RANBP17: variants seen among roughly 807,000 people sequenced by gnomAD.
RANBP17 encodes the protein ran-binding protein 17.
In RANBP17, 158 loss-of-function variants were observed where a neutral mutation model predicts 141.2. That is an observed-to-expected ratio of 1.12 (90% CI 0.98 to 1.28). RANBP17 has a LOEUF of 1.28. Among genes scored for constraint, RANBP17 ranks in the 50% most tolerant of loss-of-function variants. The pLI is 0.00. For missense variants in RANBP17, 1,438 were observed against 1,290.7 expected, an observed-to-expected ratio of 1.11 and a Z score of -1.75; for synonymous variants, 430 against 450.0, an observed-to-expected ratio of 0.96 and a Z score of 0.56.
intron 14 of RANBP17, among the ~76,000 whole-genome samples, chr5:171,162,873 A>G (rs765257162): frequency 6.4e-4 from 98 of 152,294 alleles, no homozygotes; most frequent in Middle Eastern, 3.4e-3. Context: ...ATGTGAGGCC[A>G]AAGTGGTCAC....
intron 14 of RANBP17, among the ~76,000 whole-genome samples, chr5:171,065,791 G>A (rs1396612097): frequency 1.1e-4 from 16 of 152,070 alleles, no homozygotes; most frequent in Admixed American, 1.0e-3. Context: ...CCTTGGAGTA[G>A]TTCTACCCTG....
chr5:171,077,456 C>T (rs188703051), intron 14 of RANBP17, among the ~76,000 whole-genome samples: 1 of 152,100 alleles, frequency 6.6e-6, no homozygotes, highest in Admixed American at 6.5e-5. Context: ...GCCAAAGGAA[C>T]GTGTTTAAAT....
chr5:171,078,741 C>T (rs774237713), intron 14 of RANBP17, among the ~76,000 whole-genome samples: 2 of 152,102 alleles, frequency 1.3e-5, no homozygotes, highest in African/African-American at 2.4e-5. Flanking sequence ...CAGCATTGAA[C>T]GTTTTAAGCC....
intron 12 of RANBP17, among the ~76,000 whole-genome samples, chr5:170,929,263 AG>A (rs1773155836): frequency 6.6e-6 from 1 of 151,950 alleles, no homozygotes; most frequent in South Asian, 2.1e-4. Flanking sequence ...CTTCCAGTAC[AG>A]TGTTGAATAA....
chr5:171,122,630 A>G (rs974147696), intron 14 of RANBP17, among the ~76,000 whole-genome samples: 7 of 152,202 alleles, frequency 4.6e-5, no homozygotes, highest in Admixed American at 2.6e-4. Flanking sequence ...GATCCCTAAC[A>G]GTCCATGTTC....
chr5:171,034,384 G>A (rs773664175), intron 14 of RANBP17, among the ~76,000 whole-genome samples: 4 of 152,112 alleles, frequency 2.6e-5, no homozygotes, highest in East Asian at 1.9e-4. Context: ...AACACATACT[G>A]TAGTTGTAGT....
At chr5:171,258,151 A>G (rs1766042186) in intron 24 of RANBP17, among the ~76,000 whole-genome samples, 1 of 150,744 alleles carries the variant, frequency 6.6e-6, no homozygotes, top group African/African-American at 2.5e-5. Context: ...ACACACACAC[A>G]CACACACACC....
chr5:170,862,384 G>A (rs1297529834), intron 1 of RANBP17, among the ~76,000 whole-genome samples: 1 of 152,184 alleles, frequency 6.6e-6, no homozygotes. Context: ...GTGTTGCCAG[G>A]GCAGGTGGGA....
intron 3 of RANBP17, among the ~76,000 whole-genome samples, chr5:170,888,708 C>A (rs1581059494): frequency 6.6e-6 from 1 of 152,010 alleles, no homozygotes; most frequent in East Asian, 1.9e-4. Context: ...TTTCTTATTG[C>A]ATTTTCTAGG....
At chr5:171,173,303 A>G (rs1163637820) in intron 16 of RANBP17, among the ~76,000 whole-genome samples, 2 of 152,028 alleles carry the variant, frequency 1.3e-5, no homozygotes, top group Non-Finnish European at 2.9e-5. Context: ...TTATTTCTAT[A>G]TTAGGAATAA....
At chr5:171,016,205 A>G (rs1409543620) in intron 14 of RANBP17, among the ~76,000 whole-genome samples, 4 of 148,542 alleles carry the variant, frequency 2.7e-5, no homozygotes, top group African/African-American at 5.0e-5. Flanking sequence ...CTTGACTCCA[A>G]TGTCTTGAAG....
In RANBP17 at chr5:171,147,339, TTGTG is replaced by T. The variant is rs59202388; in HGVS notation, c.1711-22752_1711-22749del. The stretch of plus-strand genomic sequence containing the variant: ...ATGTAATCATCTTTTCTTGGTTGTT[TTGTG>T]TGTGTGTGTGTGTGTGTGTGTGTGT... On this transcript the variant is annotated intron_variant, in intron 14 of 27. Coordinates refer to ENST00000523189, the MANE Select transcript of RANBP17 (RefSeq NM_022897.5). 8.0e-3 allele frequency among the ~76,000 whole-genome samples: 839 copies of T among 104,844 alleles called. 5 individuals carry two copies. The highest frequency in any genetic ancestry group is 0.018 in the African/African-American group (518 of 29,560). 68.8% of individuals were successfully genotyped at this position (104,844 alleles called of 152,430 possible). A position where few individuals can be genotyped will look rare whatever the true frequency, so the allele number is the denominator to read the frequency against.
intron 24 of RANBP17, among the ~76,000 whole-genome samples, chr5:171,261,437 T>C (rs1475973833): frequency 6.6e-6 from 1 of 152,202 alleles, no homozygotes; most frequent in Non-Finnish European, 1.5e-5. Context: ...TTCATTCTCC[T>C]TTGTGTTGTG....
At chr5:171,260,674 G>A (rs544705018) in intron 24 of RANBP17, among the ~76,000 whole-genome samples, 3 of 152,008 alleles carry the variant, frequency 2.0e-5, no homozygotes, top group African/African-American at 7.2e-5. Flanking sequence ...TGATCAGAAA[G>A]CATTATATAC....
chr5:171,167,366 T>A (rs926281188), intron 14 of RANBP17, among the ~76,000 whole-genome samples: 3 of 152,160 alleles, frequency 2.0e-5, no homozygotes, highest in Non-Finnish European at 2.9e-5. Context: ...AAAAAGGCAT[T>A]TATAATGTCT....
chr5:171,236,326 T>C (rs1764544962), intron 22 of RANBP17, among the ~76,000 whole-genome samples: 1 of 152,188 alleles, frequency 6.6e-6, no homozygotes, highest in Non-Finnish European at 1.5e-5. Context: ...AATAACATTG[T>C]TTATACTGTT....
At chr5:171,099,889 A>G (rs1342652770) in intron 14 of RANBP17, among the ~76,000 whole-genome samples, 1 of 152,150 alleles carries the variant, frequency 6.6e-6, no homozygotes, top group Non-Finnish European at 1.5e-5. Flanking sequence ...GGTTCTGTTT[A>G]TGTGATGGAT....
intron 24 of RANBP17, among the ~76,000 whole-genome samples, chr5:171,254,277 G>T (rs1561804057): frequency 6.6e-6 from 1 of 151,258 alleles, no homozygotes; most frequent in African/African-American, 2.4e-5. Flanking sequence ...TCCTGTAGTT[G>T]TTGGAATAAT....
At chr5:171,022,214 C>T (rs947806763) in intron 14 of RANBP17, among the ~76,000 whole-genome samples, 2 of 152,160 alleles carry the variant, frequency 1.3e-5, no homozygotes, top group Non-Finnish European at 2.9e-5. Flanking sequence ...ACCTGATGCC[C>T]GTAGGATTGT....
Sources: allele counts gnomAD v4.1 joint callset (sites outside exome capture counted in the v4.1 genomes callset), GRCh38; gene constraint gnomAD v4.1.1; transcripts MANE v1.5; gene names NCBI Gene and HGNC (gene_info 2026-07-23, HGNC 2026-07-21).